Variants in MARK3 observed in about 807,000 individuals in gnomAD.
MARK3 encodes MAP/microtubule affinity-regulating kinase 3.
Under a neutral mutation model 90.1 loss-of-function variants are expected in MARK3, and 46 were observed. The observed-to-expected ratio is 0.51, with a 90% CI of 0.40 to 0.65. MARK3 has a LOEUF of 0.65. MARK3 is among the 30% of genes least tolerant of loss of function. MARK3 has a pLI of 0.00. For missense variants in MARK3, 818 were observed against 947.2 expected (o/e 0.86, Z 1.79); for synonymous variants, 321 against 332.6 (o/e 0.97, Z 0.38).
At chr14:103,478,828 T>C (rs2093766578) in intron 13 of MARK3, among the ~76,000 whole-genome samples, 1 of 152,204 alleles carries the variant, frequency 6.6e-6, no homozygotes, top group Non-Finnish European at 1.5e-5. Context: ...CGTGAGCCAC[T>C]GTGCCCAGCC....
intron 2 of MARK3, among the ~76,000 whole-genome samples, chr14:103,413,443 T>C (rs1229752880): frequency 6.8e-6 from 1 of 146,552 alleles, no homozygotes; most frequent in African/African-American, 2.5e-5. Context: ...TTTTTTTTTT[T>C]TGAGACAGAG....
At chr14:103,418,881 A>G (rs1253698241) in intron 2 of MARK3, among the ~76,000 whole-genome samples, 3 of 152,190 alleles carry the variant, frequency 2.0e-5, no homozygotes, top group South Asian at 2.1e-4. Flanking sequence ...ATTTTATCCA[A>G]AGCAGTTTTC....
At chr14:103,418,220 T>C (rs1566806734) in intron 2 of MARK3, among the ~76,000 whole-genome samples, 1 of 24,312 alleles carries the variant, frequency 4.1e-5, no homozygotes, top group East Asian at 7.8e-4. Flanking sequence ...TAGTAAAGGC[T>C]TTTTTTTTTT....
chr14:103,465,983 G>A lies in MARK3; in HGVS notation c.789G>A (p.Glu263=), dbSNP rs2093494898. 1 of 1,613,334 alleles carries A rather than the reference G, an allele frequency of 6.2e-7. No homozygotes were observed. Among genetic ancestry groups the A allele is most frequent in the Non-Finnish European group, 8.5e-7 (1 of 1,179,784 alleles). ...GTACCTCTCCAAAGGAACTGAGAGA[G>A]AGAGTATTAAGAGGGAAATACAGAA... ...FDGQNLKELR[E]RVLRGKYRIP... Residue 263 remains glutamate, a synonymous_variant, in exon 9 of 18, where the codon GAG becomes GAA. Transcript: ENST00000429436.
At position 103,385,770 on chromosome 14, in the gene MARK3, C is replaced by T. The variant is rs942285335; in HGVS notation, c.-260C>T. ...GCGGGCCGAAGCGCAGCCCGCCGCC[C>T]GCAGGCTCGGCTCCGCCACTGCCGC... On this transcript the variant is annotated 5_prime_UTR_variant, in exon 1 of 18. Coordinates refer to ENST00000429436, the MANE Select transcript of MARK3 (RefSeq NM_001128918.3). 2.6e-6 allele frequency: 1 copy of T among 387,444 alleles called. No individual in the cohort carries two copies. Among genetic ancestry groups the T allele is most frequent in the Non-Finnish European group, 4.6e-6 (1 of 219,054 alleles). 24.0% of individuals were successfully genotyped at this position (387,444 alleles called of 1,614,324 possible). A position where few individuals can be genotyped will look rare whatever the true frequency, so the allele number is the denominator to read the frequency against.
rs10525116 is a variant in MARK3, at chr14:103,467,674, CAA to C, written c.1111-337_1111-336del. 4.1e-3 allele frequency: 186 copies of C among 44,916 alleles called. 5 individuals carry two copies. In the East Asian group the frequency reaches 0.055, roughly 13 times the overall value. The allele number at this position is 44,916 out of a possible 1,614,324, so 2.8% of individuals were successfully genotyped here. ...TGGGTGACAGAGCGAGACTCTGTCT[CAA>C]AAAAAAAAAAAAAAAAAAAAAGATG... is the stretch of plus-strand genomic sequence containing the variant. On this transcript the variant is annotated intron_variant, in intron 11 of 17. Coordinates refer to ENST00000429436, the MANE Select transcript of MARK3 (RefSeq NM_001128918.3).
At chr14:103,490,593 C>T (rs1278279916) in intron 14 of MARK3, 1 of 152,210 alleles carries the variant, frequency 6.6e-6, no homozygotes, top group Non-Finnish European at 1.5e-5. Context: ...ATAGCATGCT[C>T]ATATTATATA....
At chr14:103,458,315 C>T (rs141342083) in intron 6 of MARK3, among the ~76,000 whole-genome samples, 1,543 of 151,918 alleles carry the variant, frequency 0.01, 30 homozygotes, top group African/African-American at 0.036. Flanking sequence ...AAAAATTAGC[C>T]GGGCATGATG....
At chr14:103,411,754 G>A (rs529790755) in intron 2 of MARK3, among the ~76,000 whole-genome samples, 139 of 152,018 alleles carry the variant, frequency 9.1e-4, no homozygotes, top group African/African-American at 3.2e-3. Flanking sequence ...TCCTGAGTAA[G>A]TGGGATTACA....
intron 12 of MARK3, among the ~76,000 whole-genome samples, chr14:103,468,511 G>A (rs1402460284): frequency 4.0e-5 from 6 of 151,510 alleles, no homozygotes; most frequent in African/African-American, 1.5e-4. Flanking sequence ...TTTTAGTAGA[G>A]ACGGGGTTTC....
chr14:103,463,873 C>T (rs1327366075), intron 7 of MARK3, among the ~76,000 whole-genome samples: 5 of 152,132 alleles, frequency 3.3e-5, no homozygotes, highest in Admixed American at 3.3e-4. Context: ...TGTGATTAAG[C>T]CCTGACCATC....
chr14:103,459,521 A>G, intron 6 of MARK3, among the ~76,000 whole-genome samples: 1 of 151,930 alleles, frequency 6.6e-6, no homozygotes, highest in East Asian at 1.9e-4. Context: ...CGTTTTTGAG[A>G]TGGAGTCTCC....
chr14:103,503,044 G>A lies in MARK3; in HGVS notation c.2079G>A (p.Arg693=), dbSNP rs1163277407. The A allele has an allele frequency of 4.3e-6, 7 of 1,614,128 alleles. No homozygotes were observed. The highest frequency in any genetic ancestry group is 5.9e-6 in the Non-Finnish European group (7 of 1,180,064). ...CCAATAACTGCGACTATGAGCAGAG[G>A]GAGCGCTTCTTGCTCTTCTGCGTCC... The part of the protein sequence containing the change: ...LDANNCDYEQ[R]ERFLLFCVHG... Residue 693 remains arginine (R), a synonymous_variant, in exon 18 of 18, where the codon AGG becomes AGA. Coordinates refer to ENST00000429436, the MANE Select transcript of MARK3 (RefSeq NM_001128918.3).
chr14:103,462,508 C>A, intron 7 of MARK3, 47 bp downstream of exon 7: 1 of 1,388,144 alleles, frequency 7.2e-7, no homozygotes, highest in Non-Finnish European at 1.0e-6. Context: ...TGTTTGTGTG[C>A]AGTTCTCTCA....
At chr14:103,466,531 A>G in intron 10 of MARK3, 89 bp downstream of exon 10, 1 of 823,870 alleles carries the variant, frequency 1.2e-6, no homozygotes, top group South Asian at 1.7e-5. Flanking sequence ...AATGTGAATA[A>G]TGGAAAGTTA....
intron 17 of MARK3, among the ~76,000 whole-genome samples, chr14:103,501,630 G>C (rs79282068): frequency 3.4e-5 from 5 of 145,780 alleles, no homozygotes; most frequent in East Asian, 2.2e-4. Context: ...ACCCCCACCC[G>C]TGCTGTTTCC....
chr14:103,440,239 CT>C (rs1264614680), intron 3 of MARK3, among the ~76,000 whole-genome samples: 1 of 152,200 alleles, frequency 6.6e-6, no homozygotes, highest in African/African-American at 2.4e-5. Flanking sequence ...ATTTGGATTG[CT>C]TTTTGTATTG....
intron 2 of MARK3, among the ~76,000 whole-genome samples, chr14:103,411,364 T>C (rs879613169): frequency 6.6e-6 from 1 of 152,242 alleles, no homozygotes; most frequent in Non-Finnish European, 1.5e-5. Context: ...ATTCATGTGG[T>C]ATGTATTTGG....
In MARK3 at chr14:103,481,757, C is replaced by CTTTTTTTTTTTTTTTTTTTTTTT. The variant is rs71126030; in HGVS notation, c.1586+1272_1586+1294dup. Among the ~76,000 whole-genome samples, 6 of 49,802 alleles carry CTTTTTTTTTTTTTTTTTTTTTTT rather than the reference C, an allele frequency of 1.2e-4. 2 individuals carry two copies. Among genetic ancestry groups the CTTTTTTTTTTTTTTTTTTTTTTT allele is most frequent in the African/African-American group, 3.5e-4 (4 of 11,528 alleles). 32.7% of individuals were successfully genotyped at this position (49,802 alleles called of 152,430 possible). Reference sequence around the variant, plus strand: ...CAGATAATGATTGATATAGGTATTTCTTTTTTTTTTTTTTTTTTTTTTTTT... The same window carrying CTTTTTTTTTTTTTTTTTTTTTTT: ...CAGATAATGATTGATATAGGTATTTCTTTTTTTTTTTTTTTTTTTTTTTTTTTTTTTTTTTTTTTTTTTTTTTT... On this transcript the variant is annotated intron_variant, in intron 14 of 17. Transcript: ENST00000429436.
Sources: gnomAD v4.1 joint callset for allele counts (sites outside exome capture counted in the v4.1 genomes callset) on GRCh38, gnomAD v4.1.1 for gene constraint, MANE v1.5 for transcripts, NCBI Gene and HGNC (gene_info 2026-07-23, HGNC 2026-07-21) for gene names.